MOSPD2: variants seen among roughly 807,000 people sequenced by gnomAD.
MOSPD2 encodes motile sperm domain-containing protein 2.
Under a neutral mutation model 41.7 loss-of-function variants are expected in MOSPD2, and 5 were observed. That is an observed-to-expected ratio of 0.12 (90% CI 0.06 to 0.25). MOSPD2 has a LOEUF of 0.25. Ranked by LOEUF, MOSPD2 falls within the 10% of genes least tolerant of loss-of-function variation. The pLI, the probability that MOSPD2 is intolerant of heterozygous loss-of-function variation, is 1.00. For missense variants in MOSPD2, 282 were observed against 375.2 expected (o/e 0.75, Z 2.05); for synonymous variants, 115 against 126.9 (o/e 0.91, Z 0.63).
intron 7 of MOSPD2, among the ~76,000 whole-genome samples, 157 bp downstream of exon 7, chrX:14,903,161 C>A (rs768344193): frequency 9.0e-6 from 1 of 111,531 alleles, no homozygotes; most frequent in South Asian, 3.7e-4. Flanking sequence ...TATTCCTAAG[C>A]AAACAGGGCT....
chrX:14,907,494 A>C (rs186344334), intron 7 of MOSPD2, among the ~76,000 whole-genome samples: 77 of 112,598 alleles, frequency 6.8e-4, no homozygotes, highest in Non-Finnish European at 9.0e-4. Context: ...CAAATATTGC[A>C]TATCTATAAA....
rs772846336 is a variant in MOSPD2, at chrX:14,916,257, C to G, written c.1247C>G (p.Ser416Cys). ...LIMAAEMEQS[S>C]GTGPAELTQF... ...ATGGCTGCAGAAATGGAACAGTCAT[C>G]TGGCACAGGCCCAGCAGAATTAACT... The change falls in exon 13 of 15, where the codon TCT (serine) becomes TGT (cysteine). Residue 416 changes from serine to cysteine, a missense_variant. Physicochemically the swap from Ser to Cys is moderately radical, Grantham distance 112. Transcript: ENST00000380492. 5.0e-6 allele frequency: 6 copies of G among 1,210,553 alleles called. No individual in the cohort carries two copies. The highest frequency in any genetic ancestry group is 6.7e-6 in the Non-Finnish European group (6 of 895,289).
At chrX:14,908,550 T>C (rs1389489267) in intron 7 of MOSPD2, among the ~76,000 whole-genome samples, 1 of 111,741 alleles carries the variant, frequency 8.9e-6, no homozygotes, top group Non-Finnish European at 1.9e-5. Flanking sequence ...TGATTCAGTG[T>C]CTGGAAATCT....
intron 2 of MOSPD2, among the ~76,000 whole-genome samples, chrX:14,877,956 C>T (rs1303193682): frequency 3.8e-5 from 4 of 104,646 alleles, no homozygotes; most frequent in East Asian, 3.0e-4. Context: ...CCAGCCTGGG[C>T]GACAGAGCAA....
At position 14,916,252 on chromosome X, in the gene MOSPD2, G is replaced by C; in HGVS notation, c.1242G>C (p.Gln414His). The change falls in exon 13 of 15, where the codon CAG (glutamine) becomes CAC (histidine). Residue 414 changes from glutamine to histidine, a missense_variant. Gln to His is a conservative substitution (Grantham distance 24). Coordinates refer to ENST00000380492, the MANE Select transcript of MOSPD2 (RefSeq NM_152581.4). ...TGATAATGGCTGCAGAAATGGAACA[G>C]TCATCTGGCACAGGCCCAGCAGAAT... Reference protein sequence around the residue: ...RFLIMAAEMEQSSGTGPAELT... With the variant: ...RFLIMAAEMEHSSGTGPAELT... The C allele has an allele frequency of 7.4e-6, 9 of 1,212,009 alleles. No individual in the cohort carries two copies. The South Asian group carries it at 1.6e-4, about 21-fold the overall frequency.
chrX:14,889,046 G>A, intron 2 of MOSPD2, among the ~76,000 whole-genome samples: 1 of 111,625 alleles, frequency 9.0e-6, no homozygotes. Flanking sequence ...CGATCAAGGT[G>A]CCAGTACTTG....
chrX:14,878,692 AT>A (rs1341395607), intron 2 of MOSPD2, among the ~76,000 whole-genome samples: 7 of 110,263 alleles, frequency 6.3e-5, no homozygotes, highest in African/African-American at 1.3e-4. Flanking sequence ...TTGGTTTACT[AT>A]TTTTTTTCTT....
intron 2 of MOSPD2, among the ~76,000 whole-genome samples, chrX:14,882,046 A>T (rs1161086821): frequency 9.0e-6 from 1 of 110,580 alleles, no homozygotes; most frequent in Admixed American, 9.6e-5. Flanking sequence ...TAGCATTAGG[A>T]GATATACCTA....
chrX:14,912,993 T>G (rs1196252202), intron 10 of MOSPD2, among the ~76,000 whole-genome samples: 1 of 112,086 alleles, frequency 8.9e-6, no homozygotes, highest in Non-Finnish European at 1.9e-5. Context: ...TATGTATATC[T>G]CTTATGAACA....
chrX:14,902,859 C>G (rs1443797492), intron 6 of MOSPD2, 107 bp from the exon 7 acceptor site: 4 of 539,023 alleles, frequency 7.4e-6, no homozygotes, highest in Non-Finnish European at 1.3e-5. Flanking sequence ...AGACAACAAG[C>G]TCAGTTTTTA....
chrX:14,920,041 G>A lies in MOSPD2; in HGVS notation c.*232G>A. On this transcript the variant is annotated 3_prime_UTR_variant, in exon 15 of 15. Coordinates refer to ENST00000380492, the MANE Select transcript of MOSPD2 (RefSeq NM_152581.4). ...TAGCTATTTAGTAAAGTAAGTAAAG[G>A]CATATCCATTGTGTAAATTAATAGT... 1 of 838,453 alleles carries A rather than the reference G, an allele frequency of 1.2e-6. No individual in the cohort carries two copies. The highest frequency in any genetic ancestry group is 1.5e-6 in the Non-Finnish European group (1 of 680,324). 69.1% of individuals were successfully genotyped at this position (838,453 alleles called of 1,213,427 possible).
intron 2 of MOSPD2, among the ~76,000 whole-genome samples, chrX:14,879,669 C>T (rs2092527875): frequency 9.0e-6 from 1 of 111,674 alleles, no homozygotes; most frequent in Non-Finnish European, 1.9e-5. Context: ...GGTTTGTTTC[C>T]ACCAGTAAAA....
Position 14,892,870 on chromosome X carries a change from C to T in MOSPD2, c.227C>T (p.Ser76Phe), listed in dbSNP as rs371878524. 1.8e-5 allele frequency: 22 copies of T among 1,199,496 alleles called. No individual in the cohort carries two copies. The highest frequency in any genetic ancestry group is 2.5e-5 in the Non-Finnish European group (22 of 886,591). Residue 76 changes from serine to phenylalanine, a missense_variant, in exon 3 of 15, where the codon TCT becomes TTT. Physicochemically the swap from Ser to Phe is radical, Grantham distance 155 (BLOSUM62 -2). This residue lies in a region of MOSPD2 where 187 missense variants were observed against 256.6 expected (regional missense o/e 0.73). Transcript: ENST00000380492. ...DESFQWRKEI[S>F]VNDLNESSIP... ...AGTTTTCAGTGGAGGAAAGAAATTT[C>T]TGTCAATGGTAAGCTGTTCAATTTA... is the stretch of plus-strand genomic sequence containing the variant.
intron 2 of MOSPD2, among the ~76,000 whole-genome samples, chrX:14,877,636 C>T (rs1056294497): frequency 1.9e-5 from 2 of 105,289 alleles, no homozygotes; most frequent in Admixed American, 2.0e-4. Flanking sequence ...CCACCACGCC[C>T]GGCCTACAGT....
chrX:14,894,410 G>T (rs1176842007), intron 3 of MOSPD2, among the ~76,000 whole-genome samples: 1 of 102,854 alleles, frequency 9.7e-6, no homozygotes, highest in African/African-American at 3.6e-5. Flanking sequence ...TCAGCCTCCT[G>T]AGTGCACGCC....
chrX:14,888,762 G>GTGTGTGT (rs749391607), intron 2 of MOSPD2, among the ~76,000 whole-genome samples: 24 of 105,983 alleles, frequency 2.3e-4, no homozygotes, highest in African/African-American at 7.9e-4. Flanking sequence ...ATGTCCTAGG[G>GTGTGTGT]GTGTGTGTGT....
rs1415454992 is a variant in MOSPD2, at chrX:14,922,171, T to C, written c.*2362T>C. The stretch of plus-strand genomic sequence containing the variant: ...CTAGAATTGTTGCCAGTGTAATTTC[T>C]CTAATGTTCTGGTGCTTTTCATATA... On this transcript the variant is annotated 3_prime_UTR_variant, in exon 15 of 15. Transcript: ENST00000380492. 1 of 111,887 alleles carries C rather than the reference T, an allele frequency of 8.9e-6. No individual in the cohort carries two copies. The highest frequency in any genetic ancestry group is 1.9e-5 in the Non-Finnish European group (1 of 53,213). The allele number at this position is 111,887 out of a possible 1,213,427, so 9.2% of individuals were successfully genotyped here.
intron 2 of MOSPD2, among the ~76,000 whole-genome samples, chrX:14,889,315 G>A (rs780682618): frequency 6.9e-4 from 77 of 111,608 alleles, no homozygotes; most frequent in African/African-American, 2.2e-3. Context: ...ATTTCCAATC[G>A]CTTGAGGGCT....
intron 7 of MOSPD2, among the ~76,000 whole-genome samples, 188 bp downstream of exon 7, chrX:14,903,192 TG>T (rs1226946741): frequency 9.0e-6 from 1 of 111,455 alleles, no homozygotes; most frequent in African/African-American, 3.3e-5. Flanking sequence ...ACCCAGGATC[TG>T]GGGGCACCCA....
Sources: gnomAD v4.1 joint callset for allele counts (sites outside exome capture counted in the v4.1 genomes callset) on GRCh38, gnomAD v4.1.1 for gene constraint, gnomAD v4.1.1 regional missense constraint, MANE v1.5 for transcripts, NCBI Gene and HGNC (gene_info 2026-07-23, HGNC 2026-07-21) for gene names.